The following SHOX variants were observed in gnomAD, a reference collection of about 807,000 sequenced individuals.
SHOX encodes the protein SHOX homeobox.
Under a neutral mutation model 29.6 loss-of-function variants are expected in SHOX, and 12 were observed. The ratio of observed to expected loss-of-function variants is 0.41; its 90% confidence interval spans 0.26 to 0.66. The LOEUF is 0.66. Ranked by LOEUF, SHOX falls within the 30% of genes least tolerant of loss-of-function variation. SHOX has a pLI of 0.35. For missense variants in SHOX, 499 were observed against 437.7 expected, an observed-to-expected ratio of 1.14 and a Z score of -1.25; for synonymous variants, 214 against 200.6, an observed-to-expected ratio of 1.07 and a Z score of -0.57.
At chrX:655,808 C>T (rs28479710), downstream of SHOX, among the ~76,000 whole-genome samples, 102,489 of 151,542 alleles carry the variant, frequency 0.68, 35,550 homozygotes, top group Non-Finnish European at 0.77. Flanking sequence ...GTGCGTTTGC[C>T]GTGTTTCCCA....
chrX:644,698 G>T lies in SHOX; in HGVS notation c.*62G>T. 1 of 1,370,946 alleles carries T rather than the reference G, an allele frequency of 7.3e-7. No homozygotes were observed. 84.9% of individuals were successfully genotyped at this position (1,370,946 alleles called of 1,614,324 possible). ...GCTCCGCGCACCCCGCCTGCACCGC[G>T]CGTCCTGCACTCAACCCCGCCTGGA... On this transcript the variant is annotated 3_prime_UTR_variant, in exon 5 of 5. Coordinates refer to ENST00000686671, the MANE Select transcript of SHOX (RefSeq NM_000451.4).
chrX:653,956 C>T (rs1268875346), downstream of SHOX, among the ~76,000 whole-genome samples: 2 of 151,994 alleles, frequency 1.3e-5, no homozygotes, highest in African/African-American at 2.4e-5. Flanking sequence ...TGCAAGCATG[C>T]CTATATTGAA....
At chrX:642,212 C>CGCGCA (rs1180205851) in intron 4 of SHOX, among the ~76,000 whole-genome samples, 3 of 152,066 alleles carry the variant, frequency 2.0e-5, no homozygotes, top group Non-Finnish European at 4.4e-5. Context: ...CCTGCCTGAA[C>CGCGCA]GCGCAGCGCA....
At chrX:625,441 G>C (rs1341336409) in intron 1 of SHOX, among the ~76,000 whole-genome samples, 2 of 151,996 alleles carry the variant, frequency 1.3e-5, no homozygotes, top group African/African-American at 4.8e-5. Context: ...CATCGGCTTG[G>C]TGTGCTGCTC....
At position 650,755 on chromosome X, in the gene SHOX, G is replaced by C. The variant is rs2124209932; in HGVS notation, c.*6119G>C. On this transcript the variant is annotated 3_prime_UTR_variant, in exon 5 of 5. Coordinates refer to ENST00000686671, the MANE Select transcript of SHOX (RefSeq NM_000451.4). The stretch of plus-strand genomic sequence containing the variant: ...TGTCTCCTCCAGCTTTGGGAGGTCT[G>C]GGGAGGAGAGAGGCTTTCGGTGGAC... 6.9e-6 allele frequency among the ~76,000 whole-genome samples: 1 copy of C among 144,206 alleles called. No individual in the cohort carries two copies. Among genetic ancestry groups the C allele is most frequent in the East Asian group, 2.1e-4 (1 of 4,854 alleles). 94.6% of individuals were successfully genotyped at this position (144,206 alleles called of 152,430 possible). A position where few individuals can be genotyped will look rare whatever the true frequency, so the allele number is the denominator to read the frequency against.
At chrX:640,687 G>C (rs1324304092) in intron 2 of SHOX, 134 bp from the exon 3 acceptor site, 2 of 909,754 alleles carry the variant, frequency 2.2e-6, no homozygotes, top group Non-Finnish European at 3.7e-6. Context: ...TAAGTGTCTG[G>C]GCGCCCACCA....
upstream of SHOX, among the ~76,000 whole-genome samples, chrX:625,819 C>G (rs1371767668): frequency 1.6e-4 from 23 of 145,188 alleles, 1 homozygote; most frequent in Admixed American, 1.6e-3. Context: ...CTGTCTCTGT[C>G]TCTCTTTCTC....
Position 640,868 on chromosome X carries a change from G to A in SHOX, c.534G>A (p.Gln178=). ...CCAAGTGCCGCAAACAAGAGAATCA[G>A]ATGCATAAAGGTGGGTGTCGGGACT... ...RRAKCRKQEN[Q]MHKGVILGTA... is the part of the protein sequence containing the mutation. Residue 178 remains glutamine, a synonymous_variant, in exon 3 of 5, where the codon CAG becomes CAA. Coordinates refer to ENST00000686671, the MANE Select transcript of SHOX (RefSeq NM_000451.4). 1 of 1,613,904 alleles carries A rather than the reference G, an allele frequency of 6.2e-7. No individual in the cohort carries two copies. The highest frequency in any genetic ancestry group is 8.5e-7 in the Non-Finnish European group (1 of 1,179,878).
chrX:637,474 C>T (rs1365324699), intron 2 of SHOX, among the ~76,000 whole-genome samples: 4 of 151,696 alleles, frequency 2.6e-5, no homozygotes, highest in African/African-American at 7.3e-5. Context: ...GGGGTGTGTG[C>T]GGACCCCGAG....
At chrX:627,213 C>T (rs2052553803), upstream of SHOX, among the ~76,000 whole-genome samples, 1 of 152,188 alleles carries the variant, frequency 6.6e-6, no homozygotes, top group African/African-American at 2.4e-5. Flanking sequence ...CAAAACATTT[C>T]ATACAGTCCA....
In SHOX at chrX:634,682, G is replaced by C. The variant is rs1215651574; in HGVS notation, c.342G>C (p.Lys114Asn). 1.9e-6 allele frequency: 3 copies of C among 1,613,820 alleles called. No homozygotes were observed. The highest frequency in any genetic ancestry group is 3.3e-5 in the Admixed American group (2 of 60,004). ...VKSEDEDGQT[K>N]LKQRRSRTNF... ...CGGAGGACGAGGACGGGCAGACCAA[G>C]CTGAAACAGAGGCGCAGCCGCACCA... The change falls in exon 2 of 5, where the codon AAG becomes AAC. Residue 114 changes from lysine (K) to asparagine (N), a missense_variant. Transcript: ENST00000686671.
At chrX:625,668 CCT>C (rs890920634) in intron 1 of SHOX, among the ~76,000 whole-genome samples, 75 of 137,026 alleles carry the variant, frequency 5.5e-4, no homozygotes, top group Admixed American at 9.7e-4. Flanking sequence ...TGTCTTCGTT[CCT>C]CTCTCTCTTT....
downstream of SHOX, among the ~76,000 whole-genome samples, chrX:655,371 T>G (rs1227470399): frequency 6.6e-6 from 1 of 151,772 alleles, no homozygotes; most frequent in Non-Finnish European, 1.5e-5. Context: ...CCTCCCAAAG[T>G]GCTGGGATTA....
At chrX:626,338 A>C (rs1165402863), upstream of SHOX, among the ~76,000 whole-genome samples, 30 of 74,638 alleles carry the variant, frequency 4.0e-4, no homozygotes, top group South Asian at 4.8e-4. Flanking sequence ...CTCTGTCTGT[A>C]TCTCTGTCTA....
chrX:635,857 G>GGAGAGA (rs369333132), intron 2 of SHOX, among the ~76,000 whole-genome samples: 252 of 146,262 alleles, frequency 1.7e-3, no homozygotes, highest in African/African-American at 5.1e-3. Flanking sequence ...GTGGGGGGAG[G>GGAGAGA]GAGAGAGAGA....
intron 1 of SHOX, 107 bp from the exon 2 acceptor site, chrX:634,511 C>T: frequency 1.1e-5 from 13 of 1,216,100 alleles, no homozygotes; most frequent in South Asian, 1.3e-5. Flanking sequence ...CGTCAAAGCG[C>T]ATTGGTTTTC....
chrX:630,665 G>A (rs2052630487), upstream of SHOX: 1 of 608,366 alleles, frequency 1.6e-6, no homozygotes, highest in Non-Finnish European at 2.9e-6. Context: ...GGGGGTGGGG[G>A]AGACACAGCG....
In SHOX at chrX:630,875, G is replaced by A. The variant is rs1348585415; in HGVS notation, c.-23G>A. 1 of 1,612,270 alleles carries A rather than the reference G, an allele frequency of 6.2e-7. No individual in the cohort carries two copies. Among genetic ancestry groups the A allele is most frequent in the Admixed American group, 1.7e-5 (1 of 60,018 alleles). On this transcript the variant is annotated 5_prime_UTR_variant, in exon 1 of 5. Coordinates refer to ENST00000686671, the MANE Select transcript of SHOX (RefSeq NM_000451.4). ...ACGCGCGCATCCACCAGCCCCGGCT[G>A]CTCGCCAGCCCCGGCCCCAGCCATG...
At chrX:627,541 G>A (rs1007890414), upstream of SHOX, among the ~76,000 whole-genome samples, 21 of 152,340 alleles carry the variant, frequency 1.4e-4, no homozygotes, top group African/African-American at 4.8e-4. Flanking sequence ...GTGTTGGAAA[G>A]GCAGAAAGTG....
Sources: allele counts gnomAD v4.1 joint callset (sites outside exome capture counted in the v4.1 genomes callset), GRCh38; gene constraint gnomAD v4.1.1; transcripts MANE v1.5; gene names NCBI Gene and HGNC (gene_info 2026-07-23, HGNC 2026-07-21).